Variants in PPFIA2 observed in about 807,000 individuals in gnomAD.
PPFIA2 encodes the protein PPFI scaffold protein A2, also known as liprin-alpha-2.
Under a neutral mutation model 175.5 loss-of-function variants are expected in PPFIA2, and 46 were observed. The observed-to-expected ratio is 0.26, with a 90% CI of 0.21 to 0.34. The LOEUF (loss-of-function observed/expected upper bound fraction) is 0.34, where lower values mean the gene tolerates loss of function less well. Among genes scored for constraint, PPFIA2 ranks in the 10% least tolerant of loss-of-function variants. PPFIA2 has a pLI of 1.00. For missense variants in PPFIA2, 1,179 were observed against 1,506.1 expected (o/e 0.78, Z 3.60); for synonymous variants, 568 against 511.4 (o/e 1.11, Z -1.49).
At position 81,706,262 on chromosome 12, in the gene PPFIA2, G is replaced by A. The variant is rs952392546; in HGVS notation, c.250-29418C>T. Among the ~76,000 whole-genome samples, 11 of 152,104 alleles carry A rather than the reference G, an allele frequency of 7.2e-5. No individual in the cohort carries two copies. In the South Asian group the frequency reaches 1.4e-3, roughly 20 times the overall value. ...GCATAAAAGTTTAACACTATGTACT[G>A]CATAAGTATTGTCTTATCCATGTGG... On this transcript the variant is annotated intron_variant, in intron 3 of 32. Coordinates refer to ENST00000549396, the MANE Select transcript of PPFIA2 (RefSeq NM_003625.5).
intron 4 of PPFIA2, among the ~76,000 whole-genome samples, chr12:81,645,902 A>G (rs892463054): frequency 5.3e-5 from 8 of 152,232 alleles, no homozygotes; most frequent in African/African-American, 1.7e-4. Flanking sequence ...CAGGTAGGAA[A>G]AGAGAACAAG....
At chr12:81,516,541 T>C (rs1301244331) in intron 4 of PPFIA2, among the ~76,000 whole-genome samples, 4 of 152,148 alleles carry the variant, frequency 2.6e-5, no homozygotes, top group Admixed American at 6.5e-5. Context: ...CCAATATGAC[T>C]GTGTCCTTAT....
At position 81,303,844 on chromosome 12, in the gene PPFIA2, G is replaced by A. The variant is rs150320893; in HGVS notation, c.2643-4462C>T. 5.9e-4 allele frequency among the ~76,000 whole-genome samples: 90 copies of A among 152,260 alleles called. 3 individuals carry two copies. In the East Asian group the frequency reaches 0.016, roughly 28 times the overall value. On this transcript the variant is annotated intron_variant, in intron 22 of 32. Transcript: ENST00000549396. ...AAATGTATATAAATTAGAAGCATTG[G>A]CCAAGCTACAGATTTCCAACTTTTA...
chr12:81,494,111 A>G (rs78417028), intron 4 of PPFIA2, among the ~76,000 whole-genome samples: 2 of 152,080 alleles, frequency 1.3e-5, no homozygotes, highest in Non-Finnish European at 2.9e-5. Context: ...ATTAAACTAA[A>G]GAGTTTCTGC....
intron 22 of PPFIA2, chr12:81,312,100 AG>A: frequency 6.7e-7 from 1 of 1,501,300 alleles, no homozygotes; most frequent in Non-Finnish European, 8.9e-7. Context: ...CTCTGAAAAA[AG>A]AAAAAAAAAG....
chr12:81,570,323 G>A (rs934622965), intron 4 of PPFIA2, among the ~76,000 whole-genome samples: 23 of 152,072 alleles, frequency 1.5e-4, no homozygotes, highest in African/African-American at 5.1e-4. Context: ...AAATTCATTG[G>A]CCCCATTTAT....
chr12:81,422,849 T>C (rs2046524844), intron 7 of PPFIA2, among the ~76,000 whole-genome samples: 2 of 152,228 alleles, frequency 1.3e-5, no homozygotes, highest in African/African-American at 4.8e-5. Context: ...GTTTCAAACC[T>C]ATGAACTTTT....
intron 3 of PPFIA2, among the ~76,000 whole-genome samples, chr12:81,707,867 T>C (rs1354599809): frequency 6.6e-6 from 1 of 151,092 alleles, no homozygotes; most frequent in Non-Finnish European, 1.5e-5. Context: ...TTCATGTCCT[T>C]TGTAGGGACA....
At chr12:81,348,136 T>C (rs557319947) in intron 17 of PPFIA2, among the ~76,000 whole-genome samples, 35 of 152,260 alleles carry the variant, frequency 2.3e-4, no homozygotes, top group Non-Finnish European at 2.6e-4. Flanking sequence ...AAAGAGACTT[T>C]AGAAACTCAG....
intron 3 of PPFIA2, among the ~76,000 whole-genome samples, chr12:81,731,635 T>C (rs2080924304): frequency 6.6e-6 from 1 of 151,668 alleles, no homozygotes; most frequent in Non-Finnish European, 1.5e-5. Context: ...TATCATTATA[T>C]GAGTATATCA....
chr12:81,534,684 C>T (rs931016132), intron 4 of PPFIA2, among the ~76,000 whole-genome samples: 1 of 151,564 alleles, frequency 6.6e-6, no homozygotes, highest in African/African-American at 2.4e-5. Flanking sequence ...TAGAAACAAC[C>T]CAAGCACACT....
rs12829781 is a variant in PPFIA2, at chr12:81,642,683, C to G, written c.303+34108G>C. Among the ~76,000 whole-genome samples, 73 of 35,972 alleles carry G rather than the reference C, an allele frequency of 2.0e-3. 15 individuals carry two copies. The highest frequency in any genetic ancestry group is 0.042 in the Middle Eastern group (1 of 24). 23.6% of individuals were successfully genotyped at this position (35,972 alleles called of 152,430 possible). ...CTATTATATACATACATGTATGTAT[C>G]TATTATATACATACATGTATATGTA... On this transcript the variant is annotated intron_variant, in intron 4 of 32. Transcript: ENST00000549396.
chr12:81,504,374 G>A (rs932286054), intron 4 of PPFIA2, among the ~76,000 whole-genome samples: 3 of 152,006 alleles, frequency 2.0e-5, no homozygotes, highest in African/African-American at 2.4e-5. Flanking sequence ...ATATTTATAT[G>A]GCCAACAAGC....
intron 17 of PPFIA2, among the ~76,000 whole-genome samples, chr12:81,352,705 C>T (rs889664725): frequency 2.6e-5 from 4 of 152,132 alleles, no homozygotes; most frequent in East Asian, 3.9e-4. Context: ...CATTAATTTG[C>T]ATACTATTTG....
At chr12:81,406,038 GAATT>G (rs2042877112) in intron 7 of PPFIA2, 135 bp from the exon 8 acceptor site, 1 of 522,434 alleles carries the variant, frequency 1.9e-6, no homozygotes, top group Non-Finnish European at 3.3e-6. Context: ...ACATTTTACT[GAATT>G]ATTATTCAAA....
At chr12:81,691,544 A>G (rs187694631) in intron 3 of PPFIA2, among the ~76,000 whole-genome samples, 4 of 152,244 alleles carry the variant, frequency 2.6e-5, no homozygotes, top group African/African-American at 9.6e-5. Context: ...ACAAGATAAC[A>G]CCTTATTGGA....
At chr12:81,317,256 G>A (rs1456590620) in intron 22 of PPFIA2, among the ~76,000 whole-genome samples, 1 of 151,616 alleles carries the variant, frequency 6.6e-6, no homozygotes, top group Non-Finnish European at 1.5e-5. Flanking sequence ...ATGGGAAGCA[G>A]AGAGATAAAG....
chr12:81,750,789 A>G (rs995635760), intron 3 of PPFIA2, among the ~76,000 whole-genome samples: 1 of 152,220 alleles, frequency 6.6e-6, no homozygotes, highest in Non-Finnish European at 1.5e-5. Flanking sequence ...TAAAGCTCCA[A>G]TCACCAAGAC....
chr12:81,266,234 C>G (rs889652356), intron 30 of PPFIA2, among the ~76,000 whole-genome samples: 6 of 152,142 alleles, frequency 3.9e-5, no homozygotes, highest in Non-Finnish European at 2.9e-5. Context: ...TCTTTATTTT[C>G]TATTTCATGC....
Sources: gnomAD v4.1 joint callset for allele counts (sites outside exome capture counted in the v4.1 genomes callset) on GRCh38, gnomAD v4.1.1 for gene constraint, MANE v1.5 for transcripts, NCBI Gene and HGNC (gene_info 2026-07-23, HGNC 2026-07-21) for gene names.